The following DDX60 variants were observed in gnomAD, a reference collection of about 807,000 sequenced individuals.
DDX60 encodes DExD/H-box helicase 60, also known as probable ATP-dependent RNA helicase DDX60.
DDX60 carries 165 observed loss-of-function variants against 212.8 expected under a neutral mutation model. The observed-to-expected ratio is 0.78, with a 90% CI of 0.68 to 0.88. The LOEUF (loss-of-function observed/expected upper bound fraction) is 0.88. Among genes scored for constraint, DDX60 ranks in the 40% least tolerant of loss-of-function variants. DDX60 has a pLI of 0.00. For synonymous variants in DDX60, 703 were observed against 685.3 expected (o/e 1.03, Z -0.40); for missense variants, 1,905 against 2,003.9 (o/e 0.95, Z 0.94).
At chr4:168,276,659 T>C (rs1351084817) in intron 14 of DDX60, among the ~76,000 whole-genome samples, 1 of 152,188 alleles carries the variant, frequency 6.6e-6, no homozygotes, top group Non-Finnish European at 1.5e-5. Context: ...ACATTCTAGA[T>C]GTTGCTAATC....
intron 1 of DDX60, among the ~76,000 whole-genome samples, chr4:168,314,336 C>CAG (rs1052586958): frequency 7.2e-5 from 11 of 151,968 alleles, no homozygotes; most frequent in African/African-American, 2.7e-4. Context: ...CACACACACA[C>CAG]ACACACAAAT....
chr4:168,241,611 G>A (rs1733841878), intron 30 of DDX60, among the ~76,000 whole-genome samples: 1 of 152,186 alleles, frequency 6.6e-6, no homozygotes, highest in Non-Finnish European at 1.5e-5. Flanking sequence ...ACTTGAGAGA[G>A]ATGATTTAGG....
chr4:168,218,553 C>T (rs956206477), intron 37 of DDX60, among the ~76,000 whole-genome samples: 4 of 152,158 alleles, frequency 2.6e-5, no homozygotes, highest in Admixed American at 6.5e-5. Context: ...ATATAATCCG[C>T]ATGCTCATGC....
chr4:168,285,224 C>T (rs1229239623), intron 11 of DDX60, among the ~76,000 whole-genome samples, 169 bp downstream of exon 11: 1 of 152,146 alleles, frequency 6.6e-6, no homozygotes, highest in African/African-American at 2.4e-5. Flanking sequence ...CAGATTTTTA[C>T]ATAGTAATGG....
the DDX60 span, among the ~76,000 whole-genome samples, chr4:168,325,842 T>G: frequency 6.6e-6 from 1 of 152,226 alleles, no homozygotes; most frequent in Non-Finnish European, 1.5e-5. Context: ...CCTTCTTTGG[T>G]TCAACAGCTG....
chr4:168,301,581 AT>A (rs1736649407), intron 6 of DDX60, among the ~76,000 whole-genome samples: 1 of 143,036 alleles, frequency 7.0e-6, no homozygotes, highest in Non-Finnish European at 1.6e-5. Context: ...CCATACTGAC[AT>A]AAATAAACAA....
At position 168,248,236 on chromosome 4, in the gene DDX60, C is replaced by A; in HGVS notation, c.3915G>T (p.Val1305=). 6.2e-7 allele frequency: 1 copy of A among 1,609,914 alleles called. No individual in the cohort carries two copies. Among genetic ancestry groups the A allele is most frequent in the Non-Finnish European group, 8.5e-7 (1 of 1,178,400 alleles). Residue 1305 remains valine (V), a synonymous_variant, in exon 29 of 38, where the codon GTG becomes GTT. Coordinates refer to ENST00000393743, the MANE Select transcript of DDX60 (RefSeq NM_017631.6). The part of the protein sequence containing the change: ...ALGVNMPCKS[V]VFAQNSVYLD... ...GATAGACTGAGTTTTGAGCAAAAAC[C>A]ACAGATTTACAAGGCATGTTGACAC...
intron 34 of DDX60, among the ~76,000 whole-genome samples, chr4:168,224,810 A>C (rs1283091139): frequency 6.6e-6 from 1 of 151,368 alleles, no homozygotes; most frequent in East Asian, 1.9e-4. Flanking sequence ...TTTTCCATTT[A>C]TATTCTTATA....
At chr4:168,260,810 A>G in intron 25 of DDX60, 55 bp downstream of exon 25, 1 of 1,508,032 alleles carries the variant, frequency 6.6e-7, no homozygotes, top group Non-Finnish European at 9.1e-7. Context: ...CTCTGCCTTA[A>G]AGGAATGAGT....
intron 15 of DDX60, 80 bp downstream of exon 15, chr4:168,275,935 A>G: frequency 7.7e-7 from 1 of 1,294,516 alleles, no homozygotes; most frequent in East Asian, 2.5e-5. Flanking sequence ...AAAATCTGGA[A>G]GAGATGACTA....
rs767178087 is a variant in DDX60, at chr4:168,273,333, T to G, written c.2520A>C (p.Glu840Asp). ...NRFTKNLPSG[E>D]VLCGVFTREY... The stretch of plus-strand genomic sequence containing the variant: ...CCCTGGTGAAAACACCACAGAGAAC[T>G]TCACCACTTGGCAGATTTTTCGTAA... Residue 840 changes from glutamate to aspartate, a missense_variant, in exon 18 of 38, where the codon GAA (glutamate) becomes GAC (aspartate). By Grantham distance (45) the Glu-to-Asp change is conservative. Transcript: ENST00000393743. 9 of 1,613,852 alleles carry G rather than the reference T, an allele frequency of 5.6e-6. No homozygotes were observed. The African/African-American group carries it at 1.1e-4, about 19-fold the overall frequency.
chr4:168,243,746 C>A (rs1050771935), intron 30 of DDX60, among the ~76,000 whole-genome samples: 42 of 152,222 alleles, frequency 2.8e-4, no homozygotes, highest in African/African-American at 7.9e-4. Context: ...CCAGCAATTC[C>A]ATTGCTGGGT....
intron 37 of DDX60, among the ~76,000 whole-genome samples, chr4:168,219,734 C>T (rs1457787334): frequency 6.6e-6 from 1 of 152,042 alleles, no homozygotes; most frequent in Admixed American, 6.6e-5. Flanking sequence ...AGATTGAAGG[C>T]TTTAGAAAGA....
chr4:168,278,394 T>C (rs768464833), intron 14 of DDX60, among the ~76,000 whole-genome samples: 1 of 152,222 alleles, frequency 6.6e-6, no homozygotes, highest in Non-Finnish European at 1.5e-5. Flanking sequence ...GATGGAAACA[T>C]GTTGCACCTG....
At chr4:168,314,029 GA>G (rs1442054682) in intron 1 of DDX60, among the ~76,000 whole-genome samples, 3 of 152,092 alleles carry the variant, frequency 2.0e-5, no homozygotes, top group Non-Finnish European at 4.4e-5. Flanking sequence ...CTGCCTATGG[GA>G]AGTTTGAGAT....
In DDX60 at chr4:168,280,344, T is replaced by A. The variant is rs768629285; in HGVS notation, c.1969A>T (p.Ser657Cys). The change falls in exon 14 of 38, where the codon AGT becomes TGT. Residue 657 changes from serine to cysteine, a missense_variant. By Grantham distance (112) the Ser-to-Cys change is moderately radical (BLOSUM62 -1). Coordinates refer to ENST00000393743, the MANE Select transcript of DDX60 (RefSeq NM_017631.6). ...AAACAGAATTACATACCTTCTTCAC[T>A]TCGGCAATGTTCTTTCCAGGCTTTC... is the stretch of plus-strand genomic sequence containing the variant. ...CLKAWKEHCRSEEGKTTKDLS... is the reference protein window; with the variant it reads ...CLKAWKEHCRCEEGKTTKDLS... 6.2e-7 allele frequency: 1 copy of A among 1,610,918 alleles called. No individual in the cohort carries two copies. The highest frequency in any genetic ancestry group is 2.2e-5 in the East Asian group (1 of 44,826).
intron 33 of DDX60, among the ~76,000 whole-genome samples, chr4:168,231,294 C>T (rs1271105362): frequency 1.3e-5 from 2 of 151,772 alleles, no homozygotes; most frequent in East Asian, 3.9e-4. Context: ...AGATTTGGGA[C>T]CAAGCCTACT....
At chr4:168,311,427 ATG>A (rs1413997000) in intron 1 of DDX60, 62 bp from the exon 2 acceptor site, 1 of 612,198 alleles carries the variant, frequency 1.6e-6, no homozygotes, top group Non-Finnish European at 2.9e-6. Flanking sequence ...TGACTACTAT[ATG>A]TAAAGCAAAA....
intron 25 of DDX60, 136 bp from the exon 26 acceptor site, chr4:168,256,005 T>C: frequency 2.4e-6 from 2 of 842,470 alleles, no homozygotes; most frequent in Non-Finnish European, 3.5e-6. Flanking sequence ...TTACCCAGAA[T>C]GTGCACACCA....
Sources: allele counts gnomAD v4.1 joint callset (sites outside exome capture counted in the v4.1 genomes callset), GRCh38; gene constraint gnomAD v4.1.1; transcripts MANE v1.5; gene names NCBI Gene and HGNC (gene_info 2026-07-23, HGNC 2026-07-21).